The following NCAM2 variants were observed in gnomAD, a reference collection of about 807,000 sequenced individuals.
NCAM2 encodes neural cell adhesion molecule 2, also known as N-CAM-2.
NCAM2 carries 30 observed loss-of-function variants against 98.1 expected under a neutral mutation model. The ratio of observed to expected loss-of-function variants is 0.31; its 90% CI spans 0.23 to 0.41. The LOEUF is 0.41. NCAM2 is among the 10% of genes least tolerant of loss of function. NCAM2 has a pLI of 1.00. For missense variants in NCAM2, 867 were observed against 1,005.8 expected (o/e 0.86, Z 1.87); for synonymous variants, 368 against 342.4 (o/e 1.07, Z -0.83).
chr21:21,513,904 A>G (rs947849327), intron 16 of NCAM2, among the ~76,000 whole-genome samples: 4 of 152,002 alleles, frequency 2.6e-5, no homozygotes, highest in Admixed American at 2.6e-4. Flanking sequence ...TATAATTGTT[A>G]TATTCCCTTG....
chr21:21,122,627 T>C (rs1456978585), intron 1 of NCAM2, among the ~76,000 whole-genome samples: 2 of 152,214 alleles, frequency 1.3e-5, no homozygotes, highest in Non-Finnish European at 2.9e-5. Flanking sequence ...GTGGGTTGAC[T>C]GGAAGCTGGC....
chr21:21,204,515 G>C (rs1393528825), intron 1 of NCAM2, among the ~76,000 whole-genome samples: 2 of 152,058 alleles, frequency 1.3e-5, no homozygotes, highest in Non-Finnish European at 2.9e-5. Flanking sequence ...TTTCAAACTT[G>C]TTATGCTTTT....
At chr21:21,352,425 A>G (rs1458746222) in intron 8 of NCAM2, among the ~76,000 whole-genome samples, 1 of 151,940 alleles carries the variant, frequency 6.6e-6, no homozygotes, top group Non-Finnish European at 1.5e-5. Flanking sequence ...CCTGGCTCCA[A>G]ATTTATTTAG....
chr21:21,524,094 A>G (rs997813121), intron 16 of NCAM2, among the ~76,000 whole-genome samples: 2 of 152,000 alleles, frequency 1.3e-5, no homozygotes, highest in East Asian at 1.9e-4. Flanking sequence ...AAAGATAAAT[A>G]GATAGAAAAA....
intron 1 of NCAM2, among the ~76,000 whole-genome samples, chr21:21,188,294 T>A (rs1028087895): frequency 1.3e-5 from 2 of 152,154 alleles, no homozygotes; most frequent in African/African-American, 2.4e-5. Context: ...AGATAATAAA[T>A]ACTTACAAAT....
At chr21:21,129,399 A>C (rs2066890837) in intron 1 of NCAM2, among the ~76,000 whole-genome samples, 1 of 152,200 alleles carries the variant, frequency 6.6e-6, no homozygotes, top group Non-Finnish European at 1.5e-5. Context: ...GTAATGACTC[A>C]ACTAGTCTTA....
chr21:21,477,503 A>C, intron 15 of NCAM2, 32 bp downstream of exon 15: 1 of 1,487,222 alleles, frequency 6.7e-7, no homozygotes. Flanking sequence ...TTTAGACTGA[A>C]CAATAAATAT....
intron 1 of NCAM2, among the ~76,000 whole-genome samples, chr21:21,256,971 C>T (rs2071697455): frequency 6.6e-6 from 1 of 152,132 alleles, no homozygotes; most frequent in Admixed American, 6.5e-5. Flanking sequence ...AATTGAGTTC[C>T]TTCCTCTGAT....
At chr21:21,536,020 T>C (rs2146433002) in intron 17 of NCAM2, among the ~76,000 whole-genome samples, 1 of 152,262 alleles carries the variant, frequency 6.6e-6, no homozygotes, top group African/African-American at 2.4e-5. Context: ...CAGAACTCTT[T>C]CTCTACAGTT....
intron 1 of NCAM2, among the ~76,000 whole-genome samples, chr21:21,200,994 T>A (rs1381899856): frequency 6.6e-6 from 1 of 152,070 alleles, no homozygotes; most frequent in Non-Finnish European, 1.5e-5. Context: ...AGAATACTTT[T>A]TTATGATTTT....
intron 1 of NCAM2, among the ~76,000 whole-genome samples, chr21:21,110,943 A>G (rs193252062): frequency 3.6e-4 from 55 of 152,230 alleles, no homozygotes; most frequent in Non-Finnish European, 6.0e-4. Context: ...TTTAATAACA[A>G]TAATTGAATA....
chr21:21,415,595 A>G (rs2076978022), intron 10 of NCAM2, among the ~76,000 whole-genome samples: 2 of 151,912 alleles, frequency 1.3e-5, no homozygotes, highest in African/African-American at 4.8e-5. Flanking sequence ...TCGGCCTCCC[A>G]AAGTGGTGGG....
At chr21:21,272,506 GCGCACA>G (rs1405271524) in intron 1 of NCAM2, among the ~76,000 whole-genome samples, 36 of 54,116 alleles carry the variant, frequency 6.7e-4, no homozygotes, top group Non-Finnish European at 1.2e-3. Context: ...ATGCGCGCGC[GCGCACA>G]CACACACACA....
At chr21:21,498,122 T>C (rs1481049561) in intron 15 of NCAM2, among the ~76,000 whole-genome samples, 1 of 152,124 alleles carries the variant, frequency 6.6e-6, no homozygotes, top group African/African-American at 2.4e-5. Context: ...GAACTCATTA[T>C]ATACGTATGT....
chr21:21,369,825 T>C (rs1201149662), intron 8 of NCAM2, among the ~76,000 whole-genome samples: 1 of 151,740 alleles, frequency 6.6e-6, no homozygotes, highest in East Asian at 1.9e-4. Context: ...AATTTGATAG[T>C]TCCAGTGAGC....
chr21:21,081,152 G>T (rs2065789805), intron 1 of NCAM2, among the ~76,000 whole-genome samples: 1 of 152,100 alleles, frequency 6.6e-6, no homozygotes, highest in Admixed American at 6.5e-5. Context: ...GTTTACTAGA[G>T]TTGTACGCAT....
intron 1 of NCAM2, among the ~76,000 whole-genome samples, chr21:21,275,074 C>T (rs1203310320): frequency 6.6e-6 from 1 of 151,992 alleles, no homozygotes; most frequent in Non-Finnish European, 1.5e-5. Context: ...TTAATTTAAT[C>T]TCTGTTATGA....
At chr21:21,030,116 T>C (rs370753623) in intron 1 of NCAM2, among the ~76,000 whole-genome samples, 1 of 152,224 alleles carries the variant, frequency 6.6e-6, no homozygotes, top group African/African-American at 2.4e-5. Flanking sequence ...GCACTTGTTA[T>C]CTGGTTTTCT....
intron 9 of NCAM2, among the ~76,000 whole-genome samples, chr21:21,408,941 A>T (rs749607524): frequency 1.3e-5 from 2 of 151,312 alleles, no homozygotes. Context: ...TATTTATATA[A>T]TTAGTAGATA....
Sources: allele counts gnomAD v4.1 joint callset (sites outside exome capture counted in the v4.1 genomes callset), GRCh38; gene constraint gnomAD v4.1.1; transcripts MANE v1.5; gene names NCBI Gene and HGNC (gene_info 2026-07-23, HGNC 2026-07-21).